The following AATF variants were observed in gnomAD, a reference collection of about 807,000 sequenced individuals.
AATF encodes the protein protein AATF.
AATF carries 48 observed loss-of-function variants against 63.7 expected under a neutral mutation model. That is an observed-to-expected ratio of 0.75 (90% CI 0.60 to 0.96). The LOEUF (loss-of-function observed/expected upper bound fraction) is 0.96. AATF is among the 40% of genes least tolerant of loss of function. The pLI, the probability that AATF is intolerant of heterozygous loss-of-function variation, is 0.00. For missense variants in AATF, 639 were observed against 685.7 expected (o/e 0.93, Z 0.76); for synonymous variants, 258 against 247.7 (o/e 1.04, Z -0.39).
At chr17:37,018,589 A>G (rs2071445667) in intron 8 of AATF, among the ~76,000 whole-genome samples, 1 of 152,196 alleles carries the variant, frequency 6.6e-6, no homozygotes, top group Admixed American at 6.5e-5. Flanking sequence ...TTCAGAAGTT[A>G]ACCTTGCACC....
intron 4 of AATF, among the ~76,000 whole-genome samples, chr17:36,960,019 T>A (rs548874413): frequency 1.3e-5 from 2 of 150,718 alleles, no homozygotes; most frequent in Non-Finnish European, 2.9e-5. Context: ...GACTAAAATT[T>A]TTTTCCCCCC....
intron 11 of AATF, chr17:37,052,527 A>C (rs560798800): frequency 6.6e-6 from 1 of 152,286 alleles, no homozygotes; most frequent in East Asian, 1.9e-4. Flanking sequence ...TTGAGGGAGG[A>C]AGAGCTCAGT....
At chr17:37,023,601 A>C (rs1181021704) in intron 10 of AATF, among the ~76,000 whole-genome samples, 1 of 139,492 alleles carries the variant, frequency 7.2e-6, no homozygotes, top group African/African-American at 2.6e-5. Context: ...AACAGAGTTT[A>C]AAAAGAGGCA....
chr17:37,006,452 A>C (rs1377920382), intron 8 of AATF, among the ~76,000 whole-genome samples: 1 of 152,184 alleles, frequency 6.6e-6, no homozygotes, highest in East Asian at 1.9e-4. Context: ...CTGGGCAACA[A>C]GAGCAAAACT....
At position 36,955,313 on chromosome 17, in the gene AATF, G is replaced by C. The variant is rs182375639; in HGVS notation, c.832+1406G>C. On this transcript the variant is annotated intron_variant, in intron 4 of 11. Transcript: ENST00000619387. ...TGAATACCTGATGTAATTAGGAATGGCTTCCTAGAGTCCAGTTTTTGGGTT... is the reference window on the plus strand; with the variant it reads ...TGAATACCTGATGTAATTAGGAATGCCTTCCTAGAGTCCAGTTTTTGGGTT... Among the ~76,000 whole-genome samples, 263 of 152,252 alleles carry C rather than the reference G, an allele frequency of 1.7e-3. 2 individuals are homozygous for C. The highest frequency in any genetic ancestry group is 2.9e-3 in the Non-Finnish European group (194 of 67,996).
intron 11 of AATF, among the ~76,000 whole-genome samples, chr17:37,036,569 G>A (rs1203300509): frequency 2.6e-5 from 4 of 151,514 alleles, no homozygotes; most frequent in African/African-American, 9.7e-5. Flanking sequence ...CTTTTCTCAC[G>A]CTAAGAATTT....
At chr17:37,023,320 A>T (rs1209096496) in intron 10 of AATF, among the ~76,000 whole-genome samples, 1 of 152,172 alleles carries the variant, frequency 6.6e-6, no homozygotes, top group Non-Finnish European at 1.5e-5. Flanking sequence ...GAAAAGAAAA[A>T]ACCAGGATTT....
chr17:36,958,596 A>G (rs1427643755), intron 4 of AATF, among the ~76,000 whole-genome samples: 1 of 152,230 alleles, frequency 6.6e-6, no homozygotes, highest in African/African-American at 2.4e-5. Flanking sequence ...ATTATGGGAT[A>G]TATCAAACTT....
chr17:36,950,212 A>C lies in AATF; in HGVS notation c.92-2A>C. The stretch of plus-strand genomic sequence containing the variant: ...TGTTTACTTTTCCCTCTCCCCCGAC[A>C]GCCACTGCTGCCAGGGTGATTGACA... On this transcript the variant is annotated splice_acceptor_variant, in intron 1 of 11. Transcript: ENST00000619387. LOFTEE classifies it high-confidence loss of function. 6 of 1,611,712 alleles carry C rather than the reference A, an allele frequency of 3.7e-6. No individual in the cohort carries two copies. The highest frequency in any genetic ancestry group is 5.1e-6 in the Non-Finnish European group (6 of 1,177,946).
At chr17:36,979,171 C>T (rs924124111) in intron 4 of AATF, among the ~76,000 whole-genome samples, 2 of 151,952 alleles carry the variant, frequency 1.3e-5, no homozygotes, top group African/African-American at 4.8e-5. Flanking sequence ...AAAATTCTTA[C>T]CAGATGATTG....
intron 8 of AATF, among the ~76,000 whole-genome samples, chr17:37,018,334 A>ATT (rs959857887): frequency 1.3e-5 from 2 of 152,242 alleles, no homozygotes; most frequent in African/African-American, 4.8e-5. Context: ...CATGGAGTTA[A>ATT]TTGTATTGGA....
chr17:37,003,654 A>G (rs890851371), intron 8 of AATF, among the ~76,000 whole-genome samples: 2 of 150,766 alleles, frequency 1.3e-5, no homozygotes, highest in African/African-American at 4.9e-5. Context: ...TTTAGTAGAG[A>G]TGGGGTTTTG....
intron 4 of AATF, among the ~76,000 whole-genome samples, chr17:36,968,142 T>C (rs904710168): frequency 1.2e-4 from 18 of 151,788 alleles, no homozygotes; most frequent in African/African-American, 4.3e-4. Flanking sequence ...ATTCTTTTTC[T>C]CTTCAATTTT....
At chr17:37,022,340 C>G (rs2071479256) in intron 10 of AATF, among the ~76,000 whole-genome samples, 1 of 152,182 alleles carries the variant, frequency 6.6e-6, no homozygotes, top group Admixed American at 6.5e-5. Flanking sequence ...TTTTAAAGAT[C>G]TTCAGAGAAG....
chr17:37,003,183 A>G lies in AATF; in HGVS notation c.1398+12326A>G, dbSNP rs141979330. ...ATTGATTTTCAACAGGAGTACCAAG[A>G]CGATTCAGTGGGCAGAAGAACAGTT... is the stretch of plus-strand genomic sequence containing the variant. On this transcript the variant is annotated intron_variant, in intron 8 of 11. Transcript: ENST00000619387. Among the ~76,000 whole-genome samples, 26 of 152,212 alleles carry G rather than the reference A, an allele frequency of 1.7e-4. 1 individual carries two copies. The East Asian group carries it at 5.0e-3, about 29-fold the overall frequency.
chr17:36,980,548 T>G (rs2071114561), intron 4 of AATF: 1 of 152,246 alleles, frequency 6.6e-6, no homozygotes, highest in South Asian at 2.1e-4. Flanking sequence ...AATTAGAAAC[T>G]GTTGATTCAT....
chr17:36,953,882 A>G lies in AATF; in HGVS notation c.807A>G (p.Pro269=). 1 of 1,614,056 alleles carries G rather than the reference A, an allele frequency of 6.2e-7. No homozygotes were observed. The highest frequency in any genetic ancestry group is 1.6e-4 in the Middle Eastern group (1 of 6,062). Residue 269 remains proline (P), a synonymous_variant, in exon 4 of 12, where the codon CCA becomes CCG. Transcript: ENST00000619387. ...CATTGTTCAAGGACAAAGGTGGCCC[A>G]GAATTTTCCAGTGCCCTGAAAAATA... ...VFPLFKDKGG[P]EFSSALKNSH...
At position 36,995,538 on chromosome 17, in the gene AATF, A is replaced by G. The variant is rs111904884; in HGVS notation, c.1398+4681A>G. 3.9e-3 allele frequency among the ~76,000 whole-genome samples: 599 copies of G among 152,068 alleles called. 7 individuals carry two copies. The highest frequency in any genetic ancestry group is 0.014 in the African/African-American group (579 of 41,474). On this transcript the variant is annotated intron_variant, in intron 8 of 11. Coordinates refer to ENST00000619387, the MANE Select transcript of AATF (RefSeq NM_012138.4). ...AATGGTGATATGATATTTTTTATATATTTGTTGTTTTTATTTATCGATTTA... is the reference window on the plus strand; with the variant it reads ...AATGGTGATATGATATTTTTTATATGTTTGTTGTTTTTATTTATCGATTTA...
At chr17:37,012,087 CTG>C (rs2071395887) in intron 8 of AATF, among the ~76,000 whole-genome samples, 1 of 150,466 alleles carries the variant, frequency 6.6e-6, no homozygotes, top group Non-Finnish European at 1.5e-5. Flanking sequence ...GTTGAGGTCT[CTG>C]TTGCTCAGGC....
Sources: gnomAD v4.1 joint callset for allele counts (sites outside exome capture counted in the v4.1 genomes callset) on GRCh38, gnomAD v4.1.1 for gene constraint, MANE v1.5 for transcripts, NCBI Gene and HGNC (gene_info 2026-07-23, HGNC 2026-07-21) for gene names.